UGT2A1: variants seen among roughly 807,000 people sequenced by gnomAD.
The protein encoded by UGT2A1 is UDP-glucuronosyltransferase 2A1.
UGT2A1 carries 61 observed loss-of-function variants against 45.4 expected under a neutral mutation model. That is an observed-to-expected ratio of 1.34 (90% CI 1.09 to 1.66). The LOEUF (loss-of-function observed/expected upper bound fraction) is 1.66, where lower values mean the gene tolerates loss of function less well. Among genes scored for constraint, UGT2A1 ranks in the 40% most tolerant of loss-of-function variants. The probability of loss-of-function intolerance (pLI) is 0.00; values close to 1 mark genes in which losing one functional copy is unlikely to be tolerated. For synonymous variants in UGT2A1, 229 were observed against 196.2 expected (o/e 1.17, Z -1.40); for missense variants, 649 against 574.3 (o/e 1.13, Z -1.33).
chr4:69,599,169 T>C (rs1021211949), intron 4 of UGT2A1, 77 bp downstream of exon 4: 6 of 1,478,614 alleles, frequency 4.1e-6, no homozygotes, highest in African/African-American at 1.4e-5. Flanking sequence ...TTATTTGTTA[T>C]TGAGGCTATA....
intron 2 of UGT2A1, among the ~76,000 whole-genome samples, chr4:69,638,317 G>A (rs1171715695): frequency 2.6e-5 from 4 of 152,120 alleles, no homozygotes; most frequent in Admixed American, 6.5e-5. Flanking sequence ...TAACATTATT[G>A]TGTTTGATTC....
rs76717232 is a variant in UGT2A1 at position 69,638,488 on chromosome 4, T to C, written c.716-2666A>G. On this transcript the variant is annotated intron_variant, in intron 2 of 6. Coordinates refer to ENST00000286604, the MANE Select transcript of UGT2A1 (RefSeq NM_001252275.3). ...TCCAGTTTTCTATTGCCTGATTCTATGCTTTTCAAAGCTTTCTGCAGACAA... is the reference window on the plus strand; with the variant it reads ...TCCAGTTTTCTATTGCCTGATTCTACGCTTTTCAAAGCTTTCTGCAGACAA... Among the ~76,000 whole-genome samples, 9 of 152,292 alleles carry C rather than the reference T, an allele frequency of 5.9e-5. No individual in the cohort carries two copies. The East Asian group carries it at 1.5e-3, about 26-fold the overall frequency.
intron 3 of UGT2A1, among the ~76,000 whole-genome samples, chr4:69,615,002 C>T (rs1016231875): frequency 2.0e-5 from 3 of 151,894 alleles, no homozygotes; most frequent in Admixed American, 1.3e-4. Context: ...TTGCTACACA[C>T]TTTTAAACAG....
In UGT2A1 at chr4:69,603,231, A is replaced by G. The variant is rs540445023; in HGVS notation, c.848-3837T>C. Among the ~76,000 whole-genome samples the G allele has an allele frequency of 5.1e-5, 7 of 137,076 alleles. 1 individual carries two copies. The South Asian group carries it at 1.4e-3, about 28-fold the overall frequency. The allele number at this position is 137,076 out of a possible 152,430, so 89.9% of individuals were successfully genotyped here. The stretch of plus-strand genomic sequence containing the variant: ...ATCAAGGAACTCCAGATGAAGAGAT[A>G]CAAGAGGAAGGAATATTATTTTACC... On this transcript the variant is annotated intron_variant, in intron 3 of 6. Coordinates refer to ENST00000286604, the MANE Select transcript of UGT2A1 (RefSeq NM_001252275.3).
chr4:69,602,072 GA>G (rs1719328067), intron 3 of UGT2A1, among the ~76,000 whole-genome samples: 1 of 136,776 alleles, frequency 7.3e-6, no homozygotes, highest in East Asian at 2.1e-4. Context: ...ATGATTATCT[GA>G]CTAAATCTAG....
At chr4:69,599,037 AT>A (rs1719098887) in intron 4 of UGT2A1, among the ~76,000 whole-genome samples, 1 of 152,150 alleles carries the variant, frequency 6.6e-6, no homozygotes, top group South Asian at 2.1e-4. Context: ...CACAGCTTTA[AT>A]CATTTTATTC....
At chr4:69,611,609 C>T (rs760716452) in intron 3 of UGT2A1, among the ~76,000 whole-genome samples, 6 of 151,840 alleles carry the variant, frequency 4.0e-5, no homozygotes, top group Admixed American at 1.3e-4. Flanking sequence ...TTTGAGAAAA[C>T]GAAGGTCTAA....
At chr4:69,634,362 CAG>C (rs1721562692) in intron 3 of UGT2A1, among the ~76,000 whole-genome samples, 1 of 152,022 alleles carries the variant, frequency 6.6e-6, no homozygotes, top group African/African-American at 2.4e-5. Context: ...GAAAGATTAA[CAG>C]AAACTCCAAG....
At chr4:69,614,721 G>A (rs942106305) in intron 3 of UGT2A1, among the ~76,000 whole-genome samples, 7 of 152,130 alleles carry the variant, frequency 4.6e-5, no homozygotes, top group Admixed American at 3.9e-4. Flanking sequence ...CATTGGGAAA[G>A]GAATGGACTC....
chr4:69,647,150 A>C lies in UGT2A1; in HGVS notation c.495T>G (p.Ile165Met), dbSNP rs771776928. The change falls in exon 2 of 7, where the codon ATT (isoleucine) becomes ATG (methionine). Residue 165 changes from isoleucine to methionine, a missense_variant. Coordinates refer to ENST00000286604, the MANE Select transcript of UGT2A1 (RefSeq NM_001252275.3). ...AAAACCTCAAGGAGTACATAAATGG[A>C]ATTCCAAGTTTTAAAGCTACTATAT... ...CGDIVALKLG[I>M]PFMYSLRFSP... 4 of 1,612,942 alleles carry C rather than the reference A, an allele frequency of 2.5e-6. No homozygotes were observed. In the South Asian group the frequency reaches 4.4e-5, roughly 18 times the overall value.
chr4:69,652,282 CTT>C (rs10649712), intron 1 of UGT2A1, among the ~76,000 whole-genome samples: 12 of 119,958 alleles, frequency 1.0e-4, no homozygotes, highest in Admixed American at 4.6e-4. Flanking sequence ...ACTTTATGTC[CTT>C]TTTTTTTTTT....
intron 1 of UGT2A1, 166 bp from the exon 2 acceptor site, chr4:69,647,864 TTTTAA>T (rs777380769): frequency 6.8e-5 from 25 of 366,502 alleles, no homozygotes; most frequent in Admixed American, 1.4e-4. Context: ...AAATCTGTTG[TTTTAA>T]TTTTAGTGTT....
intron 1 of UGT2A1, among the ~76,000 whole-genome samples, chr4:69,651,781 T>C (rs2109985489): frequency 6.6e-6 from 1 of 152,214 alleles, no homozygotes; most frequent in South Asian, 2.1e-4. Context: ...AGTGTGACCA[T>C]CCAAGGACAC....
At chr4:69,650,302 G>A (rs1722464816) in intron 1 of UGT2A1, among the ~76,000 whole-genome samples, 2 of 152,050 alleles carry the variant, frequency 1.3e-5, no homozygotes, top group Non-Finnish European at 2.9e-5. Context: ...AGGAATCCAG[G>A]AGATCTTTCT....
At chr4:69,613,821 A>G (rs1422360833) in intron 3 of UGT2A1, among the ~76,000 whole-genome samples, 1 of 152,018 alleles carries the variant, frequency 6.6e-6, no homozygotes, top group Non-Finnish European at 1.5e-5. Flanking sequence ...TAGAAGGAAC[A>G]TAGCTCAACA....
In UGT2A1 at chr4:69,599,244, ACCT is replaced by A; in HGVS notation, c.995_996+1del. ...TAAAATCCTCCACTGTTGTAGACCT[ACCT>A]TAGGTAAAGGTTTGGCAGGTTTGCA... On this transcript the variant is annotated splice_donor_variant and coding_sequence_variant, in exon 4 of 7. Transcript: ENST00000286604. LOFTEE classifies it high-confidence loss of function. 1 of 1,613,142 alleles carries A rather than the reference ACCT, an allele frequency of 6.2e-7. No homozygotes were observed. Among genetic ancestry groups the A allele is most frequent in the Non-Finnish European group, 8.5e-7 (1 of 1,179,666 alleles).
chr4:69,646,856 G>T, intron 2 of UGT2A1, 74 bp downstream of exon 2: 1 of 1,037,316 alleles, frequency 9.6e-7, no homozygotes, highest in East Asian at 2.5e-5. Context: ...AATAGACATA[G>T]GGAAATAAAG....
chr4:69,633,214 C>T (rs1440277767), intron 3 of UGT2A1, among the ~76,000 whole-genome samples: 1 of 152,142 alleles, frequency 6.6e-6, no homozygotes, highest in African/African-American at 2.4e-5. Flanking sequence ...AGAAATCATA[C>T]TGTACACTTT....
intron 3 of UGT2A1, among the ~76,000 whole-genome samples, chr4:69,605,880 T>C (rs1719577752): frequency 7.3e-6 from 1 of 136,720 alleles, no homozygotes; most frequent in Non-Finnish European, 1.6e-5. Flanking sequence ...CAGGAAGACA[T>C]TGAATCTCTG....
Sources: gnomAD v4.1 joint callset for allele counts (sites outside exome capture counted in the v4.1 genomes callset) on GRCh38, gnomAD v4.1.1 for gene constraint, MANE v1.5 for transcripts, NCBI Gene and HGNC (gene_info 2026-07-23, HGNC 2026-07-21) for gene names.